The following NKAIN3 variants were observed in gnomAD, a reference collection of about 807,000 sequenced individuals.
NKAIN3 encodes the protein sodium/potassium-transporting ATPase subunit beta-1-interacting protein 3.
Under a neutral mutation model 30.2 loss-of-function variants are expected in NKAIN3, and 25 were observed. The ratio of observed to expected loss-of-function variants is 0.83; its 90% confidence interval spans 0.60 to 1.16. NKAIN3 has a LOEUF of 1.16. Ranked by LOEUF, NKAIN3 falls within the 50% of genes most tolerant of loss-of-function variation. The pLI is 0.00. For missense variants in NKAIN3, 225 were observed against 254.1 expected (o/e 0.89, Z 0.78); for synonymous variants, 91 against 89.6 (o/e 1.02, Z -0.09).
intron 4 of NKAIN3, among the ~76,000 whole-genome samples, chr8:62,908,891 G>A (rs902135672): frequency 5.3e-5 from 8 of 152,176 alleles, no homozygotes; most frequent in African/African-American, 1.9e-4. Flanking sequence ...CAATGTTGGT[G>A]TGAATGTGGG....
chr8:62,929,112 A>C (rs900343533), intron 5 of NKAIN3, among the ~76,000 whole-genome samples: 1 of 152,222 alleles, frequency 6.6e-6, no homozygotes, highest in Admixed American at 6.5e-5. Flanking sequence ...AGGAGCAGTA[A>C]GCATGCAGGG....
intron 3 of NKAIN3, among the ~76,000 whole-genome samples, chr8:62,658,680 A>G (rs919431408): frequency 3.3e-5 from 5 of 152,108 alleles, no homozygotes; most frequent in Non-Finnish European, 7.4e-5. Context: ...GAAATAATTT[A>G]TTTGTTTTCT....
chr8:62,944,405 A>G (rs1209558736), intron 5 of NKAIN3, among the ~76,000 whole-genome samples: 1 of 152,116 alleles, frequency 6.6e-6, no homozygotes, highest in South Asian at 2.1e-4. Context: ...TTTCACATAC[A>G]TTTTAGAAAT....
intron 4 of NKAIN3, among the ~76,000 whole-genome samples, chr8:62,870,727 A>ATATATCTATATCTC (rs1171844200): frequency 3.7e-5 from 5 of 135,678 alleles, no homozygotes; most frequent in Admixed American, 7.5e-5. Flanking sequence ...CTCTATATCT[A>ATATATCTATATCTC]TATATCTATA....
Position 62,791,198 on chromosome 8 carries a change from A to G in NKAIN3, c.471+44069A>G, listed in dbSNP as rs544477283. 4.6e-5 allele frequency among the ~76,000 whole-genome samples: 7 copies of G among 152,242 alleles called. No individual in the cohort carries two copies. The East Asian group carries it at 7.7e-4, about 17-fold the overall frequency. The stretch of plus-strand genomic sequence containing the variant: ...CCGTTTAGAGGAAATGCAAAGTGCC[A>G]TGGCCATTTTGGCAATCTTCCACAT... On this transcript the variant is annotated intron_variant, in intron 4 of 6. Coordinates refer to ENST00000623646, the MANE Select transcript of NKAIN3 (RefSeq NM_001304533.3).
rs1209802628 is a variant in NKAIN3 at position 62,977,826 on chromosome 8, G to T, written c.*12419G>T. The T allele has an allele frequency of 6.6e-6, 1 of 152,156 alleles. No homozygotes were observed. The highest frequency in any genetic ancestry group is 1.5e-5 in the Non-Finnish European group (1 of 68,056). 9.4% of individuals were successfully genotyped at this position (152,156 alleles called of 1,614,324 possible). On this transcript the variant is annotated 3_prime_UTR_variant, in exon 7 of 7. Transcript: ENST00000623646. ...TGGGAATTTTCAGCCTTATTGGACTGGTTTTTCCTCATCTTTGTGGCTTTA... is the reference window on the plus strand; with the variant it reads ...TGGGAATTTTCAGCCTTATTGGACTTGTTTTTCCTCATCTTTGTGGCTTTA...
intron 5 of NKAIN3, among the ~76,000 whole-genome samples, chr8:62,993,004 G>A (rs1824352887): frequency 6.6e-6 from 1 of 152,022 alleles, no homozygotes. Context: ...CTCATTCTGT[G>A]TTCTGGTTTT....
At chr8:62,730,686 T>C (rs1414332432) in intron 3 of NKAIN3, among the ~76,000 whole-genome samples, 1 of 152,182 alleles carries the variant, frequency 6.6e-6, no homozygotes, top group Non-Finnish European at 1.5e-5. Context: ...TTTCTTCCTT[T>C]CTTTTTATAT....
At chr8:62,316,283 A>AT (rs1196664429) in intron 1 of NKAIN3, among the ~76,000 whole-genome samples, 10 of 151,372 alleles carry the variant, frequency 6.6e-5, no homozygotes, top group Non-Finnish European at 1.0e-4. Flanking sequence ...AGCATTTTGG[A>AT]TTTTTTTTTA....
rs1306515881 is a variant in NKAIN3, at chr8:62,970,230, G to C, written c.*4823G>C. On this transcript the variant is annotated 3_prime_UTR_variant, in exon 7 of 7. Transcript: ENST00000623646. ...GCAAAAGCCTGTCTCTAAAAAGAGAGAGAGATAAGTAGATATGTTTTAATT... is the reference window on the plus strand; with the variant it reads ...GCAAAAGCCTGTCTCTAAAAAGAGACAGAGATAAGTAGATATGTTTTAATT... 6.6e-6 allele frequency among the ~76,000 whole-genome samples: 1 copy of C among 152,030 alleles called. No individual in the cohort carries two copies. Among genetic ancestry groups the C allele is most frequent in the Non-Finnish European group, 1.5e-5 (1 of 67,994 alleles).
chr8:62,702,915 A>G (rs77507197), intron 3 of NKAIN3, among the ~76,000 whole-genome samples: 2 of 152,230 alleles, frequency 1.3e-5, no homozygotes, highest in African/African-American at 4.8e-5. Flanking sequence ...GTAAATGTCA[A>G]TGAAGCCATA....
intron 3 of NKAIN3, among the ~76,000 whole-genome samples, chr8:62,616,527 CG>C (rs1321256377): frequency 6.6e-6 from 1 of 152,160 alleles, no homozygotes; most frequent in Admixed American, 6.5e-5. Flanking sequence ...CAGTGTACCA[CG>C]GGCAGCACTT....
intron 3 of NKAIN3, among the ~76,000 whole-genome samples, chr8:62,657,918 A>G (rs1812811450): frequency 6.6e-6 from 1 of 152,192 alleles, no homozygotes; most frequent in Non-Finnish European, 1.5e-5. Flanking sequence ...TTAGTGGAGC[A>G]AATGGGGAGA....
chr8:62,270,165 G>A (rs562944493), intron 1 of NKAIN3, among the ~76,000 whole-genome samples: 3 of 152,060 alleles, frequency 2.0e-5, no homozygotes, highest in South Asian at 2.1e-4. Context: ...CTGCAGCCTC[G>A]AACTCCTGGG....
intron 4 of NKAIN3, among the ~76,000 whole-genome samples, chr8:62,804,700 A>G (rs57575821): frequency 0.19 from 28,340 of 152,168 alleles, 2,940 homozygotes; most frequent in East Asian, 0.29. Flanking sequence ...TATCATACTG[A>G]ATGGGCAAAA....
intron 3 of NKAIN3, among the ~76,000 whole-genome samples, chr8:62,604,953 C>A (rs1222621468): frequency 6.6e-6 from 1 of 152,080 alleles, no homozygotes; most frequent in Non-Finnish European, 1.5e-5. Context: ...GAAAATCCTG[C>A]TCTCGTCACA....
intron 1 of NKAIN3, among the ~76,000 whole-genome samples, chr8:62,534,562 T>C (rs1344859652): frequency 6.6e-6 from 1 of 152,186 alleles, no homozygotes; most frequent in African/African-American, 2.4e-5. Flanking sequence ...CTGTTTCTTA[T>C]TGAAAACATA....
chr8:62,362,080 G>A (rs189944139), intron 1 of NKAIN3, among the ~76,000 whole-genome samples: 201 of 152,274 alleles, frequency 1.3e-3, no homozygotes, highest in African/African-American at 4.3e-3. Flanking sequence ...TATTGTTCTC[G>A]ATGTTAAGAC....
intron 3 of NKAIN3, among the ~76,000 whole-genome samples, chr8:62,651,110 C>T (rs1812607762): frequency 6.7e-6 from 1 of 150,140 alleles, no homozygotes; most frequent in Non-Finnish European, 1.5e-5. Flanking sequence ...CCATCAGTAC[C>T]TAAAAGAAAA....
Sources: allele counts gnomAD v4.1 joint callset (sites outside exome capture counted in the v4.1 genomes callset), GRCh38; gene constraint gnomAD v4.1.1; transcripts MANE v1.5; gene names NCBI Gene and HGNC (gene_info 2026-07-23, HGNC 2026-07-21).